MAN2A1: variants seen among roughly 807,000 people sequenced by gnomAD.
The protein encoded by MAN2A1 is mannosidase alpha class 2A member 1.
MAN2A1 carries 76 observed loss-of-function variants against 142.6 expected under a neutral mutation model. The observed-to-expected ratio is 0.53, with a 90% CI of 0.44 to 0.65. MAN2A1 has a LOEUF of 0.65. MAN2A1 is among the 30% of genes least tolerant of loss of function. MAN2A1 has a pLI of 0.00. For synonymous variants in MAN2A1, 559 were observed against 473.2 expected (o/e 1.18, Z -2.35); for missense variants, 1,311 against 1,365.1 (o/e 0.96, Z 0.62).
intron 1 of MAN2A1, among the ~76,000 whole-genome samples, chr5:109,701,691 A>G (rs1750988316): frequency 6.6e-6 from 1 of 152,206 alleles, no homozygotes; most frequent in African/African-American, 2.4e-5. Context: ...TCCCTGTACC[A>G]GTATTGAATT....
intron 18 of MAN2A1, among the ~76,000 whole-genome samples, chr5:109,847,278 A>T (rs1214295819): frequency 6.6e-6 from 1 of 152,000 alleles, no homozygotes; most frequent in Non-Finnish European, 1.5e-5. Flanking sequence ...TTCCTAATAA[A>T]CCTCATAAGC....
chr5:109,855,277 A>G lies in MAN2A1; in HGVS notation c.3114A>G (p.Leu1038=), dbSNP rs1755580003. 2 of 1,604,742 alleles carry G rather than the reference A, an allele frequency of 1.2e-6. No individual in the cohort carries two copies. The highest frequency in any genetic ancestry group is 1.7e-6 in the Non-Finnish European group (2 of 1,176,970). ...AGCTGCAAGGTGAATTCTCTCCATT[A>G]CAGTCATCTTTGCCTTGTGACATTC... ...TLELQGEFSP[L]QSSLPCDIHL... The change falls in exon 20 of 22, where the codon TTA becomes TTG. Residue 1038 remains leucine (L), a synonymous_variant. Coordinates refer to ENST00000261483, the MANE Select transcript of MAN2A1 (RefSeq NM_002372.4).
At chr5:109,808,101 C>T (rs1754219022) in intron 12 of MAN2A1, among the ~76,000 whole-genome samples, 1 of 152,180 alleles carries the variant, frequency 6.6e-6, no homozygotes, top group Non-Finnish European at 1.5e-5. Context: ...CATATAATTG[C>T]ATTTTAGAGA....
intron 4 of MAN2A1, among the ~76,000 whole-genome samples, chr5:109,744,969 C>G (rs1179436896): frequency 6.6e-6 from 1 of 152,084 alleles, no homozygotes; most frequent in Non-Finnish European, 1.5e-5. Flanking sequence ...ATGGATGAGT[C>G]TCACAAATGT....
Position 109,845,870 on chromosome 5 carries a change from A to G in MAN2A1, c.2706A>G (p.Gln902=), listed in dbSNP as rs1227364021. Residue 902 remains glutamine, a synonymous_variant, in exon 18 of 22, where the codon CAA becomes CAG. Coordinates refer to ENST00000261483, the MANE Select transcript of MAN2A1 (RefSeq NM_002372.4). ...GGAATTGTTGTGTTTTATAGATTCA[A>G]CCTAGAATGACACTGAGCAAATTGC... ...FYTDLNGYQI[Q]PRMTLSKLPL... The G allele has an allele frequency of 2.5e-6, 4 of 1,612,430 alleles. No homozygotes were observed. Among genetic ancestry groups the G allele is most frequent in the Non-Finnish European group, 3.4e-6 (4 of 1,179,214 alleles).
intron 16 of MAN2A1, among the ~76,000 whole-genome samples, chr5:109,834,309 A>C (rs1755005347): frequency 6.6e-6 from 1 of 152,162 alleles, no homozygotes. Context: ...TTCACCTCGT[A>C]GGGGAGTGTT....
intron 4 of MAN2A1, 76 bp from the exon 5 acceptor site, chr5:109,755,253 G>A: frequency 2.6e-6 from 3 of 1,156,434 alleles, no homozygotes; most frequent in Middle Eastern, 2.2e-4. Flanking sequence ...TGTTCTTAAT[G>A]TTTATGCTTG....
At chr5:109,742,912 G>A (rs144145634) in intron 4 of MAN2A1, among the ~76,000 whole-genome samples, 1 of 152,302 alleles carries the variant, frequency 6.6e-6, no homozygotes, top group African/African-American at 2.4e-5. Flanking sequence ...TTCGTCTTGA[G>A]TGAGACGGCT....
At chr5:109,831,347 T>C (rs571971309) in intron 16 of MAN2A1, among the ~76,000 whole-genome samples, 273 of 152,226 alleles carry the variant, frequency 1.8e-3, no homozygotes, top group African/African-American at 6.3e-3. Flanking sequence ...ATTGGGGGAA[T>C]TGGGGAGGAT....
At chr5:109,853,636 G>A (rs2112771436) in intron 19 of MAN2A1, 1 of 152,200 alleles carries the variant, frequency 6.6e-6, no homozygotes, top group Admixed American at 6.5e-5. Flanking sequence ...TGAGGGAGGT[G>A]TTTTCTTTTC....
intron 12 of MAN2A1, among the ~76,000 whole-genome samples, chr5:109,793,287 G>A (rs1753781183): frequency 6.6e-6 from 1 of 152,042 alleles, no homozygotes; most frequent in Admixed American, 6.6e-5. Flanking sequence ...GTTAATGCTG[G>A]CTTGTTTCTT....
At position 109,867,750 on chromosome 5, in the gene MAN2A1, A is replaced by G. The variant is rs768105976; in HGVS notation, c.*752A>G. On this transcript the variant is annotated 3_prime_UTR_variant, in exon 22 of 22. Transcript: ENST00000261483. The stretch of plus-strand genomic sequence containing the variant: ...CCATAAACCTATTTTAGGTACCACA[A>G]GGTGTCTTTTTACACAGCTCATTTG... 16 of 152,570 alleles carry G rather than the reference A, an allele frequency of 1.0e-4. No individual in the cohort carries two copies. Among genetic ancestry groups the G allele is most frequent in the Non-Finnish European group, 2.1e-4 (14 of 68,028 alleles). The allele number at this position is 152,570 out of a possible 1,614,324, so 9.5% of individuals were successfully genotyped here.
At chr5:109,776,412 T>C (rs984786795) in intron 8 of MAN2A1, among the ~76,000 whole-genome samples, 41 of 152,100 alleles carry the variant, frequency 2.7e-4, no homozygotes, top group Non-Finnish European at 1.9e-4. Context: ...TCCTGAGAGA[T>C]GATGCTCATA....
chr5:109,792,935 C>A lies in MAN2A1; in HGVS notation c.1943+3408C>A, dbSNP rs181647331. Among the ~76,000 whole-genome samples, 415 of 152,118 alleles carry A rather than the reference C, an allele frequency of 2.7e-3. 1 individual carries two copies. The highest frequency in any genetic ancestry group is 3.7e-3 in the Non-Finnish European group (254 of 67,978). On this transcript the variant is annotated intron_variant, in intron 12 of 21. Transcript: ENST00000261483. The stretch of plus-strand genomic sequence containing the variant: ...CAAAAGTGAGTTTTCTGGGTAGAAA[C>A]AGCAAGACTTCTTAAGACCTAGCTT...
At chr5:109,776,447 GAT>G (rs546394393) in intron 8 of MAN2A1, among the ~76,000 whole-genome samples, 1 of 151,940 alleles carries the variant, frequency 6.6e-6, no homozygotes, top group African/African-American at 2.4e-5. Flanking sequence ...CAGAGGAAGG[GAT>G]ATATATATGA....
At chr5:109,846,093 C>T (rs890725219) in intron 18 of MAN2A1, 87 bp downstream of exon 18, 1 of 1,159,722 alleles carries the variant, frequency 8.6e-7, no homozygotes, top group Admixed American at 2.8e-5. Flanking sequence ...GGTATAATCT[C>T]TAGTTAAAAC....
At chr5:109,822,180 T>C (rs1321420644) in intron 15 of MAN2A1, among the ~76,000 whole-genome samples, 3 of 150,796 alleles carry the variant, frequency 2.0e-5, no homozygotes, top group Admixed American at 2.0e-4. Context: ...TCTTTTTTTT[T>C]TTTTTTAAGT....
intron 20 of MAN2A1, chr5:109,862,471 A>G (rs972517818): frequency 2.4e-4 from 36 of 152,234 alleles, no homozygotes; most frequent in African/African-American, 8.0e-4. Context: ...TTACAAAGAT[A>G]GTTACCTACC....
chr5:109,773,788 T>C (rs1753212627), intron 7 of MAN2A1, among the ~76,000 whole-genome samples: 1 of 152,170 alleles, frequency 6.6e-6, no homozygotes, highest in Non-Finnish European at 1.5e-5. Context: ...CTGTCATTGG[T>C]GTTCTTTGAG....
Sources: allele counts gnomAD v4.1 joint callset (sites outside exome capture counted in the v4.1 genomes callset), GRCh38; gene constraint gnomAD v4.1.1; transcripts MANE v1.5; gene names NCBI Gene and HGNC (gene_info 2026-07-23, HGNC 2026-07-21).